C8orf34: variants seen among roughly 807,000 people sequenced by gnomAD.
C8orf34 encodes the protein chromosome 8 open reading frame 34, also known as uncharacterized protein C8orf34.
In C8orf34, 65 loss-of-function variants were observed where a neutral mutation model predicts 68.3. That is an observed-to-expected ratio of 0.95 (90% CI 0.78 to 1.17). The LOEUF (loss-of-function observed/expected upper bound fraction) is 1.17. Among genes scored for constraint, C8orf34 ranks in the 50% most tolerant of loss-of-function variants. The pLI is 0.00. For synonymous variants in C8orf34, 244 were observed against 241.2 expected, an observed-to-expected ratio of 1.01 and a Z score of -0.11; for missense variants, 664 against 655.4, an observed-to-expected ratio of 1.01 and a Z score of -0.14.
At chr8:68,672,480 T>G (rs2130845796) in intron 8 of C8orf34, among the ~76,000 whole-genome samples, 1 of 152,258 alleles carries the variant, frequency 6.6e-6, no homozygotes, top group Admixed American at 6.5e-5. Flanking sequence ...CAAGAGATTT[T>G]GGGACTTTGC....
intron 11 of C8orf34, among the ~76,000 whole-genome samples, chr8:68,780,873 T>C (rs1823655451): frequency 6.6e-6 from 1 of 152,214 alleles, no homozygotes; most frequent in African/African-American, 2.4e-5. Context: ...ATAAAGGGAA[T>C]TTCATTTTAA....
In C8orf34 at chr8:68,506,539, A is replaced by AT. The variant is rs560695127; in HGVS notation, c.766-15251dup. On this transcript the variant is annotated intron_variant, in intron 5 of 13. Transcript: ENST00000518698. Reference sequence around the variant, plus strand: ...TTTTAACAACAAAGTTAAATGCCTGATTTTTTTTTGCCCATTTTTATTGCT... The same window carrying AT: ...TTTTAACAACAAAGTTAAATGCCTGATTTTTTTTTTGCCCATTTTTATTGCT... 4.0e-3 allele frequency among the ~76,000 whole-genome samples: 599 copies of AT among 150,982 alleles called. 7 individuals are homozygous for AT. Among genetic ancestry groups the AT allele is most frequent in the African/African-American group, 0.012 (492 of 41,186 alleles).
At chr8:68,398,583 C>A (rs1397410646) in intron 1 of C8orf34, among the ~76,000 whole-genome samples, 2 of 151,984 alleles carry the variant, frequency 1.3e-5, no homozygotes, top group East Asian at 3.9e-4. Flanking sequence ...ACAATAGTAA[C>A]CATTTCACTA....
chr8:68,471,939 C>T (rs1344300533), intron 4 of C8orf34, among the ~76,000 whole-genome samples: 1 of 151,498 alleles, frequency 6.6e-6, no homozygotes. Context: ...CACACACACA[C>T]ACACACACAC....
At chr8:68,378,853 A>C (rs1040887797) in intron 1 of C8orf34, among the ~76,000 whole-genome samples, 12 of 152,212 alleles carry the variant, frequency 7.9e-5, no homozygotes, top group African/African-American at 2.9e-4. Flanking sequence ...GAATGCCTCT[A>C]TTGTAACTTT....
chr8:68,695,400 T>C (rs555432444), intron 8 of C8orf34, among the ~76,000 whole-genome samples: 9 of 152,226 alleles, frequency 5.9e-5, no homozygotes, highest in Non-Finnish European at 1.2e-4. Context: ...CCACCCACCT[T>C]GGCATCCAAA....
At chr8:68,784,793 T>G (rs1823795215) in intron 11 of C8orf34, among the ~76,000 whole-genome samples, 1 of 127,198 alleles carries the variant, frequency 7.9e-6, no homozygotes, top group Non-Finnish European at 1.6e-5. Flanking sequence ...TCATTGTGTA[T>G]GTGTGTGTAT....
intron 1 of C8orf34, among the ~76,000 whole-genome samples, chr8:68,380,198 T>C (rs574287401): frequency 6.6e-6 from 1 of 152,268 alleles, no homozygotes; most frequent in South Asian, 2.1e-4. Flanking sequence ...CTGCTTATGG[T>C]TAGAGAAAAT....
chr8:68,518,833 G>A lies in C8orf34; in HGVS notation c.766-2966G>A, dbSNP rs1379763130. Reference sequence around the variant, plus strand: ...TGCTTGAACCCAGGAGGTGGAGGTTGCAGTGAGCCAAGATCGTGCCACTAC... The same window carrying A: ...TGCTTGAACCCAGGAGGTGGAGGTTACAGTGAGCCAAGATCGTGCCACTAC... On this transcript the variant is annotated intron_variant, in intron 5 of 13. Coordinates refer to ENST00000518698, the MANE Select transcript of C8orf34 (RefSeq NM_052958.4). Among the ~76,000 whole-genome samples, 9 of 146,370 alleles carry A rather than the reference G, an allele frequency of 6.1e-5. No individual in the cohort carries two copies. The Admixed American group carries it at 6.3e-4, about 10-fold the overall frequency.
At chr8:68,557,676 T>G (rs1306949320) in intron 7 of C8orf34, among the ~76,000 whole-genome samples, 1 of 152,116 alleles carries the variant, frequency 6.6e-6, no homozygotes, top group Non-Finnish European at 1.5e-5. Flanking sequence ...CTTTATCAAA[T>G]CAGCTCCCTA....
intron 7 of C8orf34, among the ~76,000 whole-genome samples, chr8:68,615,632 G>T (rs1277775612): frequency 6.6e-5 from 10 of 152,180 alleles, no homozygotes; most frequent in African/African-American, 2.4e-4. Context: ...GCATCCCAGG[G>T]ATGAAGCCCA....
At chr8:68,698,192 G>A (rs527253614) in intron 8 of C8orf34, among the ~76,000 whole-genome samples, 2 of 151,982 alleles carry the variant, frequency 1.3e-5, no homozygotes, top group African/African-American at 4.8e-5. Context: ...TGCCATTTGC[G>A]GACAGATAGA....
chr8:68,723,654 A>C (rs187553516), intron 10 of C8orf34, among the ~76,000 whole-genome samples: 133 of 152,168 alleles, frequency 8.7e-4, no homozygotes, highest in African/African-American at 3.0e-3. Flanking sequence ...CACTTTTTGC[A>C]AAGGTTTATC....
intron 3 of C8orf34, among the ~76,000 whole-genome samples, chr8:68,464,616 A>T (rs1249473454): frequency 1.3e-5 from 2 of 152,156 alleles, no homozygotes; most frequent in African/African-American, 4.8e-5. Flanking sequence ...TGATCAATGG[A>T]ACAGAACAGA....
chr8:68,709,645 A>G (rs935676770), intron 9 of C8orf34, among the ~76,000 whole-genome samples: 9 of 151,984 alleles, frequency 5.9e-5, no homozygotes, highest in Non-Finnish European at 1.2e-4. Flanking sequence ...TGCCTGGTCT[A>G]TGTGTTTTCC....
At chr8:68,445,231 T>C (rs1811071928) in intron 2 of C8orf34, among the ~76,000 whole-genome samples, 1 of 152,154 alleles carries the variant, frequency 6.6e-6, no homozygotes, top group African/African-American at 2.4e-5. Context: ...TCCATTAATG[T>C]GTAATGGTGT....
chr8:68,545,568 C>A (rs1470970408), intron 7 of C8orf34, among the ~76,000 whole-genome samples: 1 of 151,868 alleles, frequency 6.6e-6, no homozygotes, highest in East Asian at 1.9e-4. Context: ...TAACTACGGC[C>A]AAAACACAAT....
intron 8 of C8orf34, among the ~76,000 whole-genome samples, chr8:68,686,755 G>T (rs1302965517): frequency 6.6e-6 from 1 of 152,086 alleles, no homozygotes; most frequent in Non-Finnish European, 1.5e-5. Context: ...ATTCAACGTA[G>T]TACTGGAAGT....
intron 8 of C8orf34, among the ~76,000 whole-genome samples, chr8:68,696,092 A>G (rs1820824061): frequency 6.6e-6 from 1 of 151,846 alleles, no homozygotes; most frequent in Non-Finnish European, 1.5e-5. Context: ...CCTGATCCCA[A>G]GAGGTCAGGA....
Sources: gnomAD v4.1 joint callset for allele counts (sites outside exome capture counted in the v4.1 genomes callset) on GRCh38, gnomAD v4.1.1 for gene constraint, MANE v1.5 for transcripts, NCBI Gene and HGNC (gene_info 2026-07-23, HGNC 2026-07-21) for gene names.